The following EPS15 variants were observed in gnomAD, a reference collection of about 807,000 sequenced individuals.
EPS15 encodes the protein epidermal growth factor receptor pathway substrate 15, also known as epidermal growth factor receptor substrate 15.
Under a neutral mutation model 113.8 loss-of-function variants are expected in EPS15, and 72 were observed. That is an observed-to-expected ratio of 0.63 (90% CI 0.52 to 0.77). The LOEUF is 0.77. Ranked by LOEUF, EPS15 falls within the 30% of genes least tolerant of loss-of-function variation. The probability of loss-of-function intolerance (pLI) is 0.00; values close to 1 mark genes in which losing one functional copy is unlikely to be tolerated. For synonymous variants in EPS15, 344 were observed against 363.4 expected (o/e 0.95, Z 0.61); for missense variants, 1,048 against 1,045.8 (o/e 1.00, Z -0.03).
intron 1 of EPS15, among the ~76,000 whole-genome samples, chr1:51,495,934 G>A (rs1017014200): frequency 6.6e-6 from 1 of 152,232 alleles, no homozygotes. Flanking sequence ...CTGCACAAAT[G>A]AGACCAAAAA....
At chr1:51,511,063 G>A (rs1023970700) in intron 1 of EPS15, among the ~76,000 whole-genome samples, 1 of 152,104 alleles carries the variant, frequency 6.6e-6, no homozygotes, top group African/African-American at 2.4e-5. Context: ...CTACTTGGGA[G>A]GCTGAGGCAG....
intron 21 of EPS15, among the ~76,000 whole-genome samples, chr1:51,390,629 A>C (rs1647264029): frequency 6.6e-6 from 1 of 152,128 alleles, no homozygotes; most frequent in African/African-American, 2.4e-5. Flanking sequence ...GAAAAAAAAA[A>C]CAACCCCATC....
chr1:51,503,362 G>A (rs899055181), intron 1 of EPS15, among the ~76,000 whole-genome samples: 11 of 152,114 alleles, frequency 7.2e-5, no homozygotes, highest in Non-Finnish European at 1.5e-4. Flanking sequence ...TAGGCTGGGC[G>A]CGGTGGGTCA....
chr1:51,385,176 A>G (rs1030530448), intron 21 of EPS15, among the ~76,000 whole-genome samples: 2 of 152,200 alleles, frequency 1.3e-5, no homozygotes, highest in African/African-American at 2.4e-5. Flanking sequence ...AATATTTGCA[A>G]ATCATTTATC....
At chr1:51,356,885 A>G in intron 24 of EPS15, 39 bp from the exon 25 acceptor site, 1 of 1,571,420 alleles carries the variant, frequency 6.4e-7, no homozygotes, top group Non-Finnish European at 8.7e-7. Flanking sequence ...GAATAAATAA[A>G]TGAGTAAAGC....
intron 8 of EPS15, among the ~76,000 whole-genome samples, chr1:51,459,357 T>C (rs1343341690): frequency 2.0e-5 from 3 of 152,024 alleles, no homozygotes; most frequent in African/African-American, 7.2e-5. Flanking sequence ...GTTAGCCAGA[T>C]GTGGTGGTGC....
chr1:51,493,052 C>T (rs1357876997), intron 1 of EPS15, among the ~76,000 whole-genome samples: 1 of 151,146 alleles, frequency 6.6e-6, no homozygotes, highest in African/African-American at 2.4e-5. Context: ...ACAGTGAAAC[C>T]CCGTCTCTAC....
chr1:51,427,302 T>C (rs1247627095), intron 12 of EPS15, among the ~76,000 whole-genome samples: 1 of 152,188 alleles, frequency 6.6e-6, no homozygotes. Context: ...AATATACCAC[T>C]ATACAACTTA....
rs535842526 is a variant in EPS15, at chr1:51,492,804, T to A, written c.34-11490A>T. Among the ~76,000 whole-genome samples the A allele has an allele frequency of 2.6e-5, 4 of 152,054 alleles. No homozygotes were observed. The South Asian group carries it at 6.2e-4, about 24-fold the overall frequency. On this transcript the variant is annotated intron_variant, in intron 1 of 24. Transcript: ENST00000371733. Reference sequence around the variant, plus strand: ...TTTATAAAAATCCTCTCACCTCCTTTGTAGCCCCTCAAATGGCAGCTGTCA... The same window carrying A: ...TTTATAAAAATCCTCTCACCTCCTTAGTAGCCCCTCAAATGGCAGCTGTCA...
At chr1:51,435,600 G>C (rs1652088501) in intron 12 of EPS15, among the ~76,000 whole-genome samples, 1 of 152,170 alleles carries the variant, frequency 6.6e-6, no homozygotes, top group South Asian at 2.1e-4. Context: ...TTTGCAGGAA[G>C]TAAGTCTTGG....
At chr1:51,511,628 C>T (rs1644622746) in intron 1 of EPS15, among the ~76,000 whole-genome samples, 1 of 152,086 alleles carries the variant, frequency 6.6e-6, no homozygotes, top group African/African-American at 2.4e-5. Context: ...GAAGGTGTTA[C>T]GTCTAATGGA....
chr1:51,398,289 G>A (rs565375518), intron 20 of EPS15, among the ~76,000 whole-genome samples: 8 of 152,044 alleles, frequency 5.3e-5, no homozygotes, highest in Admixed American at 2.0e-4. Context: ...TCCTGACCTC[G>A]TGATCCGCCC....
At chr1:51,441,521 T>C (rs1278093172) in intron 11 of EPS15, among the ~76,000 whole-genome samples, 3 of 152,136 alleles carry the variant, frequency 2.0e-5, no homozygotes, top group Non-Finnish European at 2.9e-5. Context: ...GCTGACTTTA[T>C]ATAACAGAAC....
intron 11 of EPS15, among the ~76,000 whole-genome samples, chr1:51,442,441 A>G (rs553476088): frequency 2.6e-4 from 40 of 152,282 alleles, no homozygotes; most frequent in Non-Finnish European, 4.9e-4. Context: ...ATAAGAAGAC[A>G]AAGTGAGACA....
At chr1:51,360,986 G>A (rs1055254384) in intron 24 of EPS15, among the ~76,000 whole-genome samples, 185 bp downstream of exon 24, 4 of 152,158 alleles carry the variant, frequency 2.6e-5, no homozygotes, top group African/African-American at 7.2e-5. Flanking sequence ...TCATCTGTGC[G>A]ATGGAACAAC....
chr1:51,438,727 A>G (rs1452268412), intron 12 of EPS15, among the ~76,000 whole-genome samples: 1 of 152,214 alleles, frequency 6.6e-6, no homozygotes, highest in Non-Finnish European at 1.5e-5. Flanking sequence ...GTAATTGTTT[A>G]CTACTTCTAT....
intron 1 of EPS15, among the ~76,000 whole-genome samples, chr1:51,484,467 A>T (rs956992447): frequency 6.6e-6 from 1 of 152,210 alleles, no homozygotes; most frequent in South Asian, 2.1e-4. Flanking sequence ...ATCAATCATT[A>T]TATCAAAATA....
chr1:51,375,862 C>A (rs926341644), intron 21 of EPS15, among the ~76,000 whole-genome samples: 4 of 152,134 alleles, frequency 2.6e-5, no homozygotes, highest in Non-Finnish European at 5.9e-5. Context: ...AGGGCAAGAA[C>A]AGGTTTGCCA....
At chr1:51,381,454 G>A (rs1181524008) in intron 21 of EPS15, among the ~76,000 whole-genome samples, 2 of 152,060 alleles carry the variant, frequency 1.3e-5, no homozygotes, top group African/African-American at 2.4e-5. Flanking sequence ...TGACACGGGC[G>A]TGGTGGTGGG....
Sources: allele counts gnomAD v4.1 joint callset (sites outside exome capture counted in the v4.1 genomes callset), GRCh38; gene constraint gnomAD v4.1.1; transcripts MANE v1.5; gene names NCBI Gene and HGNC (gene_info 2026-07-23, HGNC 2026-07-21).